Variants in SPIDR observed in about 807,000 individuals in gnomAD.
SPIDR encodes scaffold protein involved in DNA repair.
A neutral mutation model predicts 104.6 loss-of-function variants in SPIDR; 93 were observed. That is an observed-to-expected ratio of 0.89 (90% CI 0.75 to 1.06). The LOEUF (loss-of-function observed/expected upper bound fraction) is 1.06, where lower values mean the gene tolerates loss of function less well. Ranked by LOEUF, SPIDR falls within the 50% of genes least tolerant of loss-of-function variation. The probability of loss-of-function intolerance (pLI) is 0.00; values close to 1 mark genes in which losing one functional copy is unlikely to be tolerated. For synonymous variants in SPIDR, 431 were observed against 416.9 expected (o/e 1.03, Z -0.41); for missense variants, 1,154 against 1,111.2 (o/e 1.04, Z -0.55).
intron 7 of SPIDR, among the ~76,000 whole-genome samples, chr8:47,415,213 T>C (rs1348651382): frequency 6.6e-6 from 1 of 152,146 alleles, no homozygotes; most frequent in South Asian, 2.1e-4. Context: ...TATTCTGCCC[T>C]TTTAAAACAC....
At chr8:47,666,384 G>A (rs576818085) in intron 10 of SPIDR, among the ~76,000 whole-genome samples, 105 of 152,248 alleles carry the variant, frequency 6.9e-4, no homozygotes, top group African/African-American at 1.9e-3. Flanking sequence ...GACTACAGTG[G>A]TATATAAATC....
chr8:47,317,299 G>T (rs1314411543), intron 5 of SPIDR, among the ~76,000 whole-genome samples: 3 of 152,196 alleles, frequency 2.0e-5, no homozygotes, highest in Non-Finnish European at 4.4e-5. Flanking sequence ...CACACCAGGA[G>T]ATTGTATCCC....
intron 8 of SPIDR, among the ~76,000 whole-genome samples, chr8:47,520,781 G>C (rs1042568744): frequency 3.3e-5 from 5 of 152,130 alleles, no homozygotes; most frequent in African/African-American, 1.2e-4. Context: ...TGTGACACTG[G>C]ACATGACTTC....
Position 47,673,787 on chromosome 8 carries a change from A to G in SPIDR, c.1545-14A>G, listed in dbSNP as rs1241831566. On this transcript the variant is annotated splice_polypyrimidine_tract_variant and intron_variant, in intron 10 of 19. Transcript: ENST00000297423. ...ACTGCCTCCTCAAAGACAAATGTGA[A>G]TGGTTTTTTACAGAGCCTGCCTTCT... 1 of 1,613,974 alleles carries G rather than the reference A, an allele frequency of 6.2e-7. No homozygotes were observed. The highest frequency in any genetic ancestry group is 1.3e-5 in the African/African-American group (1 of 74,906).
rs1326960188 is a variant in SPIDR, at chr8:47,321,722, G to C, written c.525+27692G>C. Among the ~76,000 whole-genome samples the C allele has an allele frequency of 2.6e-5, 4 of 152,184 alleles. No homozygotes were observed. In the East Asian group the frequency reaches 7.7e-4, roughly 29 times the overall value. On this transcript the variant is annotated intron_variant, in intron 5 of 19. Transcript: ENST00000297423. ...CTACAAGGCTGCAGTAACCAAAACT[G>C]CATGGTACTGGTACCGAAACAGAGA...
intron 5 of SPIDR, among the ~76,000 whole-genome samples, chr8:47,358,226 C>G (rs2054963200): frequency 6.6e-6 from 1 of 152,014 alleles, no homozygotes; most frequent in Non-Finnish European, 1.5e-5. Flanking sequence ...GCTGGGACTA[C>G]AGACATGGCA....
At chr8:47,596,377 A>T (rs2061617126) in intron 9 of SPIDR, among the ~76,000 whole-genome samples, 3 of 152,200 alleles carry the variant, frequency 2.0e-5, no homozygotes, top group African/African-American at 7.2e-5. Flanking sequence ...AGCCTACTAC[A>T]CACCTAGGCT....
At chr8:47,405,210 G>T (rs1401842979) in intron 6 of SPIDR, among the ~76,000 whole-genome samples, 1 of 152,016 alleles carries the variant, frequency 6.6e-6, no homozygotes, top group Non-Finnish European at 1.5e-5. Context: ...GTCATGTGGT[G>T]GGGGGATGGG....
At chr8:47,635,899 A>G (rs2067844552) in intron 10 of SPIDR, among the ~76,000 whole-genome samples, 1 of 152,202 alleles carries the variant, frequency 6.6e-6, no homozygotes, top group African/African-American at 2.4e-5. Flanking sequence ...AAGGAGACCC[A>G]CCCACAAAGG....
chr8:47,337,934 G>C (rs73582865), intron 5 of SPIDR, among the ~76,000 whole-genome samples: 3,473 of 152,170 alleles, frequency 0.023, 143 homozygotes, highest in African/African-American at 0.08. Context: ...AGTTCCATTG[G>C]TCTATATGTC....
At chr8:47,679,076 C>T (rs2076786466) in intron 11 of SPIDR, among the ~76,000 whole-genome samples, 1 of 152,160 alleles carries the variant, frequency 6.6e-6, no homozygotes, top group African/African-American at 2.4e-5. Flanking sequence ...CACTGCCTCC[C>T]TTGCCTCCTG....
chr8:47,263,942 C>G (rs1198904834), intron 1 of SPIDR, among the ~76,000 whole-genome samples: 1 of 152,164 alleles, frequency 6.6e-6, no homozygotes, highest in Non-Finnish European at 1.5e-5. Context: ...GGGACTATTT[C>G]TTCAGCCCAT....
At chr8:47,385,578 C>T (rs1012431572) in intron 5 of SPIDR, among the ~76,000 whole-genome samples, 21 of 152,278 alleles carry the variant, frequency 1.4e-4, no homozygotes, top group Admixed American at 2.6e-4. Flanking sequence ...CACAGGAATT[C>T]ACTCTTTCTG....
intron 8 of SPIDR, among the ~76,000 whole-genome samples, chr8:47,484,777 A>G (rs1314771349): frequency 6.6e-6 from 1 of 152,224 alleles, no homozygotes; most frequent in Admixed American, 6.5e-5. Context: ...ACAGTATTGT[A>G]TCAATGTCAC....
rs782590070 is a variant in SPIDR, at chr8:47,266,873, G to A, written c.33+5882G>A. On this transcript the variant is annotated intron_variant, in intron 1 of 19. Transcript: ENST00000297423. ...CATGACCCCAAAAAGAAACCCCATA[G>A]CTATTACTAGTCAGTCACTCCCCAT... is the stretch of plus-strand genomic sequence containing the variant. Among the ~76,000 whole-genome samples the A allele has an allele frequency of 2.4e-4, 37 of 152,132 alleles. 1 individual carries two copies. Among genetic ancestry groups the A allele is most frequent in the Admixed American group, 1.1e-3 (17 of 15,270 alleles).
intron 10 of SPIDR, among the ~76,000 whole-genome samples, chr8:47,600,729 G>T (rs2062170566): frequency 6.6e-6 from 1 of 152,020 alleles, no homozygotes; most frequent in Non-Finnish European, 1.5e-5. Flanking sequence ...TTTTTGTTTT[G>T]CTTGGCCTTT....
chr8:47,565,869 A>AG (rs2057722407), intron 8 of SPIDR, among the ~76,000 whole-genome samples: 1 of 148,928 alleles, frequency 6.7e-6, no homozygotes, highest in African/African-American at 2.4e-5. Flanking sequence ...AATAGAAAAA[A>AG]TAAGACAACA....
chr8:47,508,481 G>C (rs537838144), intron 8 of SPIDR, among the ~76,000 whole-genome samples: 1 of 152,216 alleles, frequency 6.6e-6, no homozygotes. Flanking sequence ...CACACAAAAA[G>C]AGATGTGATA....
intron 1 of SPIDR, among the ~76,000 whole-genome samples, chr8:47,277,831 T>C (rs1586219509): frequency 1.3e-5 from 2 of 151,720 alleles, no homozygotes; most frequent in South Asian, 4.2e-4. Flanking sequence ...CACACCACCA[T>C]TCCCGGCTAA....
Sources: allele counts gnomAD v4.1 joint callset (sites outside exome capture counted in the v4.1 genomes callset), GRCh38; gene constraint gnomAD v4.1.1; transcripts MANE v1.5; gene names NCBI Gene and HGNC (gene_info 2026-07-23, HGNC 2026-07-21).